SLC24A4: variants seen among roughly 807,000 people sequenced by gnomAD.
SLC24A4 encodes sodium/potassium/calcium exchanger 4.
SLC24A4 carries 53 observed loss-of-function variants against 79.0 expected under a neutral mutation model. That is an observed-to-expected ratio of 0.67 (90% confidence interval 0.54 to 0.84). The LOEUF (loss-of-function observed/expected upper bound fraction) is 0.84. Among genes scored for constraint, SLC24A4 ranks in the 40% least tolerant of loss-of-function variants. SLC24A4 has a pLI of 0.00. For missense variants in SLC24A4, 731 were observed against 822.0 expected (o/e 0.89, Z 1.35); for synonymous variants, 323 against 323.8 (o/e 1.00, Z 0.03).
chr14:92,371,707 T>A (rs1888165912), intron 2 of SLC24A4, among the ~76,000 whole-genome samples: 1 of 152,242 alleles, frequency 6.6e-6, no homozygotes, highest in Admixed American at 6.5e-5. Flanking sequence ...CCGTTGTGTG[T>A]CCACATCCTT....
intron 2 of SLC24A4, among the ~76,000 whole-genome samples, chr14:92,431,967 G>C (rs1891898578): frequency 6.6e-6 from 1 of 152,176 alleles, no homozygotes; most frequent in African/African-American, 2.4e-5. Context: ...AGATGCCTGG[G>C]TGCTCTGAGC....
chr14:92,360,460 T>C (rs1566713124), intron 2 of SLC24A4, among the ~76,000 whole-genome samples: 1 of 152,244 alleles, frequency 6.6e-6, no homozygotes, highest in Non-Finnish European at 1.5e-5. Context: ...TAGCTATAGT[T>C]CATATTCACT....
chr14:92,334,682 T>C (rs945810311), intron 2 of SLC24A4, among the ~76,000 whole-genome samples: 2 of 152,096 alleles, frequency 1.3e-5, no homozygotes, highest in African/African-American at 2.4e-5. Flanking sequence ...ACGTGAGGGT[T>C]TGAGTCCCAG....
chr14:92,349,423 G>A (rs1886740793), intron 2 of SLC24A4, among the ~76,000 whole-genome samples: 1 of 152,250 alleles, frequency 6.6e-6, no homozygotes, highest in South Asian at 2.1e-4. Context: ...GCCTCCCAAA[G>A]TGCTGGGATT....
intron 8 of SLC24A4, among the ~76,000 whole-genome samples, chr14:92,446,037 C>G (rs961847755): frequency 6.6e-6 from 1 of 152,188 alleles, no homozygotes; most frequent in African/African-American, 2.4e-5. Context: ...TCCCCCAAAA[C>G]AGATACATAA....
Position 92,324,814 on chromosome 14 carries a change from AC to A in SLC24A4, c.130+855del, listed in dbSNP as rs1321677670. On this transcript the variant is annotated intron_variant, in intron 1 of 16. Transcript: ENST00000532405. ...AAATGCTGGTGATTTAAACACCAAG[AC>A]ATGGAAGGTAAAGCGGGTAGTACCT... Among the ~76,000 whole-genome samples the A allele has an allele frequency of 2.6e-5, 4 of 152,232 alleles. No homozygotes were observed. In the East Asian group the frequency reaches 7.7e-4, roughly 29 times the overall value.
chr14:92,332,537 C>A (rs1361093980), intron 2 of SLC24A4, among the ~76,000 whole-genome samples: 1 of 152,134 alleles, frequency 6.6e-6, no homozygotes, highest in African/African-American at 2.4e-5. Context: ...TTGTGGGGAG[C>A]ACTTGAGATC....
At position 92,481,789 on chromosome 14, in the gene SLC24A4, G is replaced by C. The variant is rs146733465; in HGVS notation, c.1256-891G>C. Among the ~76,000 whole-genome samples the C allele has an allele frequency of 4.6e-5, 7 of 152,156 alleles. No individual in the cohort carries two copies. In the East Asian group the frequency reaches 1.2e-3, roughly 25 times the overall value. On this transcript the variant is annotated intron_variant, in intron 12 of 16. Coordinates refer to ENST00000532405, the MANE Select transcript of SLC24A4 (RefSeq NM_153646.4). ...ACGTTGATTCTGACAATTTTTTGCT[G>C]TTGTTCTCAATGCTTCTACAAAAAA... is the stretch of plus-strand genomic sequence containing the variant.
chr14:92,403,639 C>T (rs1442878132), intron 2 of SLC24A4, among the ~76,000 whole-genome samples: 1 of 151,486 alleles, frequency 6.6e-6, no homozygotes, highest in Non-Finnish European at 1.5e-5. Flanking sequence ...AGAGGACTGG[C>T]TGAGGCTTGA....
At chr14:92,454,130 T>C (rs998092447) in intron 11 of SLC24A4, 61 bp downstream of exon 11, 1 of 1,537,116 alleles carries the variant, frequency 6.5e-7, no homozygotes, top group African/African-American at 1.4e-5. Flanking sequence ...CCTTGGCTTG[T>C]TAGGGCTCTT....
At chr14:92,343,608 C>G (rs536761365) in intron 2 of SLC24A4, among the ~76,000 whole-genome samples, 11 of 145,664 alleles carry the variant, frequency 7.6e-5, no homozygotes, top group South Asian at 6.7e-4. Flanking sequence ...TTCTTTCTTT[C>G]TTTCTTTCTT....
At chr14:92,488,720 G>A (rs950243866) in intron 14 of SLC24A4, among the ~76,000 whole-genome samples, 4 of 152,178 alleles carry the variant, frequency 2.6e-5, no homozygotes, top group East Asian at 3.9e-4. Context: ...GGTGAGCACC[G>A]GGGCCCTGGC....
intron 11 of SLC24A4, among the ~76,000 whole-genome samples, chr14:92,456,112 C>T (rs1010107086): frequency 2.6e-5 from 4 of 152,182 alleles, no homozygotes; most frequent in African/African-American, 4.8e-5. Flanking sequence ...GGGAGAGCCC[C>T]GAATGATGGC....
chr14:92,484,785 T>C (rs1895264730), intron 13 of SLC24A4: 1 of 985,284 alleles, frequency 1.0e-6, no homozygotes, highest in Non-Finnish European at 1.2e-6. Context: ...TTGGTTAGAC[T>C]GTGTCAGAAG....
chr14:92,332,196 T>G (rs1595125167), intron 2 of SLC24A4, among the ~76,000 whole-genome samples: 2 of 152,110 alleles, frequency 1.3e-5, no homozygotes, highest in East Asian at 3.9e-4. Flanking sequence ...GCAGGTGAAT[T>G]ACTTGAACCC....
intron 16 of SLC24A4, 89 bp from the exon 17 acceptor site, chr14:92,493,387 G>T: frequency 6.7e-7 from 1 of 1,491,128 alleles, no homozygotes; most frequent in Non-Finnish European, 9.1e-7. Flanking sequence ...AATGTTCTAG[G>T]TTTCCCCACA....
chr14:92,343,634 T>TTC (rs1411542527), intron 2 of SLC24A4, among the ~76,000 whole-genome samples: 3 of 97,520 alleles, frequency 3.1e-5, no homozygotes, highest in South Asian at 7.7e-4. Flanking sequence ...CTTTCTTTCT[T>TTC]TCTTTCTCTC....
chr14:92,365,466 C>T (rs943656227), intron 2 of SLC24A4, among the ~76,000 whole-genome samples: 3 of 152,354 alleles, frequency 2.0e-5, no homozygotes, highest in Non-Finnish European at 2.9e-5. Flanking sequence ...CCCCAATCCC[C>T]GGGGACCGAC....
At chr14:92,328,863 C>T (rs1271091719) in intron 2 of SLC24A4, among the ~76,000 whole-genome samples, 5 of 152,256 alleles carry the variant, frequency 3.3e-5, no homozygotes, top group African/African-American at 1.2e-4. Context: ...GCCACGCCTA[C>T]CACCAGAACT....
Sources: allele counts gnomAD v4.1 joint callset (sites outside exome capture counted in the v4.1 genomes callset), GRCh38; gene constraint gnomAD v4.1.1; transcripts MANE v1.5; gene names NCBI Gene and HGNC (gene_info 2026-07-23, HGNC 2026-07-21).